Variants in USH2A observed in about 807,000 individuals in gnomAD.
USH2A encodes usherin.
In USH2A, 443 loss-of-function variants were observed where a neutral mutation model predicts 538.9. The ratio of observed to expected loss-of-function variants is 0.82; its 90% confidence interval spans 0.76 to 0.89. USH2A has a LOEUF of 0.89. USH2A is among the 40% of genes least tolerant of loss of function. The probability of loss-of-function intolerance (pLI) is 0.00; values close to 1 mark genes in which losing one functional copy is unlikely to be tolerated. For synonymous variants in USH2A, 2,413 were observed against 2,273.5 expected (o/e 1.06, Z -1.75); for missense variants, 6,633 against 6,324.8 (o/e 1.05, Z -1.65).
At position 216,084,771 on chromosome 1, in the gene USH2A, T is replaced by C; in HGVS notation, c.5094A>G (p.Glu1698=). 1 of 1,613,624 alleles carries C rather than the reference T, an allele frequency of 6.2e-7. No homozygotes were observed. The highest frequency in any genetic ancestry group is 8.5e-7 in the Non-Finnish European group (1 of 1,179,712). The change falls in exon 25 of 72, where the codon GAA becomes GAG. Residue 1698 remains glutamate (E), a synonymous_variant. Coordinates refer to ENST00000307340, the MANE Select transcript of USH2A (RefSeq NM_206933.4). The stretch of plus-strand genomic sequence containing the variant: ...CCCAGCTGTTATACACGTTGATTTG[T>C]TCTTCAGAACTCTGCCAATCCAGAG... ...WEPLDWQSSE[E]QINVYNSWEG... is the part of the protein sequence containing the mutation.
chr1:215,779,620 G>A (rs1423164021), intron 55 of USH2A, among the ~76,000 whole-genome samples: 1 of 152,146 alleles, frequency 6.6e-6, no homozygotes, highest in Non-Finnish European at 1.5e-5. Context: ...TGCATATCAA[G>A]GCCAAATATA....
chr1:215,762,176 G>T (rs919339439), intron 56 of USH2A, among the ~76,000 whole-genome samples: 1 of 152,090 alleles, frequency 6.6e-6, no homozygotes, highest in Non-Finnish European at 1.5e-5. Context: ...TTGTATGTGG[G>T]TTTCTCTGCC....
At chr1:216,343,950 G>T (rs946528389) in intron 4 of USH2A, among the ~76,000 whole-genome samples, 7 of 151,578 alleles carry the variant, frequency 4.6e-5, no homozygotes, top group African/African-American at 1.2e-4. Context: ...TGGGGGTGCT[G>T]CTCTACACGG....
intron 46 of USH2A, among the ~76,000 whole-genome samples, chr1:215,843,174 T>TATTAAATG (rs1663732737): frequency 6.6e-6 from 1 of 152,282 alleles, no homozygotes; most frequent in Admixed American, 6.5e-5. Flanking sequence ...GAGGTAGTAC[T>TATTAAATG]ATTAAATGGA....
intron 61 of USH2A, among the ~76,000 whole-genome samples, chr1:215,689,818 T>A (rs1242699188): frequency 6.6e-6 from 1 of 152,126 alleles, no homozygotes; most frequent in Non-Finnish European, 1.5e-5. Flanking sequence ...CATTCAAACC[T>A]CCGGATGAGA....
At chr1:215,930,176 G>T (rs957606841) in intron 38 of USH2A, among the ~76,000 whole-genome samples, 1 of 151,928 alleles carries the variant, frequency 6.6e-6, no homozygotes, top group Admixed American at 6.6e-5. Flanking sequence ...GTGGCTCCAA[G>T]TTCCTTTCAC....
At chr1:216,196,469 G>T in intron 19 of USH2A, 84 bp downstream of exon 19, 1 of 1,501,922 alleles carries the variant, frequency 6.7e-7, no homozygotes, top group Non-Finnish European at 9.2e-7. Context: ...GGAGAATTCT[G>T]TCACAGAATT....
At chr1:215,903,122 C>A (rs1170775610) in intron 38 of USH2A, among the ~76,000 whole-genome samples, 1 of 151,800 alleles carries the variant, frequency 6.6e-6, no homozygotes, top group Non-Finnish European at 1.5e-5. Flanking sequence ...GACTGGAAGC[C>A]GAGTAAAGAA....
chr1:216,348,671 G>T (rs183340514), intron 4 of USH2A, among the ~76,000 whole-genome samples: 1 of 151,964 alleles, frequency 6.6e-6, no homozygotes, highest in Non-Finnish European at 1.5e-5. Context: ...TCATTTTTGC[G>T]CACAAATCGA....
intron 62 of USH2A, among the ~76,000 whole-genome samples, chr1:215,678,861 TA>T (rs1190609280): frequency 2.0e-5 from 3 of 152,122 alleles, no homozygotes; most frequent in Admixed American, 6.5e-5. Context: ...GAAATGTAAA[TA>T]AAGGTCCAAG....
chr1:216,061,472 A>G (rs1472620659), intron 30 of USH2A, among the ~76,000 whole-genome samples: 2 of 152,292 alleles, frequency 1.3e-5, no homozygotes, highest in East Asian at 3.9e-4. Context: ...AATGAAAGTT[A>G]TAAGAATATC....
intron 21 of USH2A, among the ~76,000 whole-genome samples, chr1:216,162,327 CA>C (rs2034075088): frequency 6.6e-6 from 1 of 151,898 alleles, no homozygotes; most frequent in Admixed American, 6.6e-5. Flanking sequence ...CTTTACATAC[CA>C]TTTTTTCCTA....
Position 215,628,998 on chromosome 1 carries a change from G to A in USH2A, c.15335C>T (p.Pro5112Leu). 1 of 1,613,666 alleles carries A rather than the reference G, an allele frequency of 6.2e-7. No homozygotes were observed. Among genetic ancestry groups the A allele is most frequent in the Non-Finnish European group, 8.5e-7 (1 of 1,180,036 alleles). The change falls in exon 71 of 72, where the codon CCT becomes CTT. Residue 5112 changes from proline (P) to leucine (L), a missense_variant. Coordinates refer to ENST00000307340, the MANE Select transcript of USH2A (RefSeq NM_206933.4). Reference sequence around the variant, plus strand: ...ACTCCGGTTGCTGCGGATACTCACAGGTGTCCCAGACCGGGGAATTTTGGT... The same window carrying A: ...ACTCCGGTTGCTGCGGATACTCACAAGTGTCCCAGACCGGGGAATTTTGGT... ...ADTKIPRSGT[P>L]VSIRSNRSAC...
chr1:216,293,244 T>A (rs1335073500), intron 9 of USH2A, among the ~76,000 whole-genome samples: 1 of 152,188 alleles, frequency 6.6e-6, no homozygotes, highest in Non-Finnish European at 1.5e-5. Context: ...CAGCATGGTC[T>A]CGATCTCCTG....
rs373037575 is a variant in USH2A at position 215,695,029 on chromosome 1, T to C, written c.12067-14653A>G. Among the ~76,000 whole-genome samples, 6 of 152,248 alleles carry C rather than the reference T, an allele frequency of 3.9e-5. No individual in the cohort carries two copies. The South Asian group carries it at 1.0e-3, about 26-fold the overall frequency. ...TAAGATAAGGAAATAAAAAGAGCTA[T>C]GCAGCAGAGATTATTATAATTTACC... On this transcript the variant is annotated intron_variant, in intron 61 of 71. Transcript: ENST00000307340.
At position 216,250,886 on chromosome 1, in the gene USH2A, T is replaced by C. The variant is rs181777364; in HGVS notation, c.2167+17A>G. The stretch of plus-strand genomic sequence containing the variant: ...TGGTAATAGAGATGTGACTGTAAAC[T>C]TTTGCGTTACACGTACCAATAACGT... On this transcript the variant is annotated intron_variant, in intron 12 of 71. Transcript: ENST00000307340. The C allele has an allele frequency of 1.8e-3, 2,963 of 1,613,240 alleles. 18 individuals carry two copies. Among genetic ancestry groups the C allele is most frequent in the South Asian group, 5.0e-3 (455 of 90,932 alleles).
At chr1:215,671,676 C>A (rs944817148) in intron 63 of USH2A, among the ~76,000 whole-genome samples, 1 of 152,156 alleles carries the variant, frequency 6.6e-6, no homozygotes, top group Admixed American at 6.5e-5. Flanking sequence ...AAGATTCTTT[C>A]CGGCATGAAA....
chr1:216,010,427 C>T (rs1158642025), intron 32 of USH2A, among the ~76,000 whole-genome samples: 2 of 152,012 alleles, frequency 1.3e-5, no homozygotes, highest in African/African-American at 4.8e-5. Flanking sequence ...GAACTCTGGC[C>T]CAAGGTTCTC....
chr1:215,980,544 C>A (rs1007377489), intron 35 of USH2A, among the ~76,000 whole-genome samples: 6 of 152,092 alleles, frequency 3.9e-5, no homozygotes, highest in African/African-American at 1.4e-4. Context: ...AGAATGTTGC[C>A]AGCACCCCAG....
Sources: gnomAD v4.1 joint callset for allele counts (sites outside exome capture counted in the v4.1 genomes callset) on GRCh38, gnomAD v4.1.1 for gene constraint, MANE v1.5 for transcripts, NCBI Gene and HGNC (gene_info 2026-07-23, HGNC 2026-07-21) for gene names.